The following SDK1 variants were observed in gnomAD, a reference collection of about 807,000 sequenced individuals.
SDK1 encodes protein sidekick-1.
A neutral mutation model predicts 245.5 loss-of-function variants in SDK1; 157 were observed. The ratio of observed to expected loss-of-function variants is 0.64; its 90% CI spans 0.56 to 0.73. The LOEUF is 0.73. Among genes scored for constraint, SDK1 ranks in the 30% least tolerant of loss-of-function variants. The pLI is 0.00. For synonymous variants in SDK1, 1,647 were observed against 1,278.5 expected, an observed-to-expected ratio of 1.29 and a Z score of -6.15; for missense variants, 3,583 against 3,002.3, an observed-to-expected ratio of 1.19 and a Z score of -4.52.
intron 4 of SDK1, among the ~76,000 whole-genome samples, chr7:3,760,842 A>G (rs1334437238): frequency 6.6e-6 from 1 of 152,228 alleles, no homozygotes; most frequent in African/African-American, 2.4e-5. Context: ...GAAAGCATTT[A>G]AGATCTATTT....
intron 4 of SDK1, among the ~76,000 whole-genome samples, chr7:3,753,237 C>G (rs968736972): frequency 3.9e-5 from 6 of 152,190 alleles, no homozygotes; most frequent in Non-Finnish European, 5.9e-5. Flanking sequence ...AAATTATAAA[C>G]CCTCTTCATT....
intron 35 of SDK1, among the ~76,000 whole-genome samples, chr7:4,189,188 G>C (rs686698): frequency 0.99 from 150,878 of 152,270 alleles, 74,751 homozygotes; most frequent in East Asian, 1. Context: ...CCTCTGGCAC[G>C]GTGCTGCTGG....
At chr7:3,508,468 C>T (rs113775021) in intron 1 of SDK1, among the ~76,000 whole-genome samples, 34,881 of 151,534 alleles carry the variant, frequency 0.23, 4,353 homozygotes, top group East Asian at 0.33. Context: ...GCTGGGATTA[C>T]AGCTGCCCGC....
intron 23 of SDK1, 89 bp from the exon 24 acceptor site, chr7:4,113,200 C>G: frequency 7.1e-7 from 1 of 1,412,854 alleles, no homozygotes. Flanking sequence ...TGAGCCCTCC[C>G]TTGAGAAACA....
At position 4,129,912 on chromosome 7, in the gene SDK1, T is replaced by C. The variant is rs753194535; in HGVS notation, c.3944T>C (p.Leu1315Pro). The change falls in exon 27 of 45, where the codon CTG becomes CCG. Residue 1315 changes from leucine to proline, a missense_variant. Transcript: ENST00000404826. Reference protein sequence around the residue: ...QNGLILGYKILFRAKDLDPEP... With the variant: ...QNGLILGYKIPFRAKDLDPEP... ...CGTGCTGTGTCGATACCACAGATCC[T>C]GTTCCGGGCCAAAGACCTGGATCCC... The C allele has an allele frequency of 6.2e-7, 1 of 1,613,594 alleles. No individual in the cohort carries two copies. The highest frequency in any genetic ancestry group is 8.5e-7 in the Non-Finnish European group (1 of 1,179,886).
intron 4 of SDK1, among the ~76,000 whole-genome samples, chr7:3,700,951 G>A (rs1162635449): frequency 1.3e-5 from 2 of 152,070 alleles, no homozygotes; most frequent in Non-Finnish European, 2.9e-5. Flanking sequence ...GATTGGTAGA[G>A]TAAAGAAAAA....
intron 5 of SDK1, among the ~76,000 whole-genome samples, chr7:3,927,828 G>C (rs1779828546): frequency 6.6e-6 from 1 of 152,194 alleles, no homozygotes; most frequent in African/African-American, 2.4e-5. Context: ...TTAGATAATG[G>C]AAATCGTGGT....
At chr7:3,402,213 A>G (rs550684184) in intron 1 of SDK1, among the ~76,000 whole-genome samples, 2 of 152,336 alleles carry the variant, frequency 1.3e-5, no homozygotes, top group Admixed American at 6.5e-5. Flanking sequence ...TGGAGGATAT[A>G]TATAAAATCT....
chr7:3,975,797 C>T (rs954730057), intron 13 of SDK1, among the ~76,000 whole-genome samples: 1 of 152,242 alleles, frequency 6.6e-6, no homozygotes. Context: ...CTTTAGATAG[C>T]AGAGGTAATT....
intron 13 of SDK1, among the ~76,000 whole-genome samples, chr7:3,975,910 AGGGT>A (rs1782902772): frequency 1.6e-4 from 24 of 148,078 alleles, no homozygotes; most frequent in African/African-American, 4.5e-4. Flanking sequence ...TGCCACGTAG[AGGGT>A]CCTCCAGAGA....
chr7:3,382,869 A>T (rs1781521395), intron 1 of SDK1, among the ~76,000 whole-genome samples: 1 of 151,978 alleles, frequency 6.6e-6, no homozygotes. Flanking sequence ...AATTCAGTAG[A>T]TTTCTGTTTT....
intron 1 of SDK1, among the ~76,000 whole-genome samples, chr7:3,442,032 A>G (rs909664800): frequency 6.6e-6 from 1 of 152,152 alleles, no homozygotes; most frequent in Admixed American, 6.6e-5. Context: ...ATGCCAGTTG[A>G]CCGTTACGTG....
chr7:3,371,865 A>T (rs963042038), intron 1 of SDK1, among the ~76,000 whole-genome samples: 1 of 152,192 alleles, frequency 6.6e-6, no homozygotes, highest in African/African-American at 2.4e-5. Flanking sequence ...AGTCGGCCAA[A>T]ATTAACGAAC....
At chr7:3,321,074 A>G (rs943185713) in intron 1 of SDK1, among the ~76,000 whole-genome samples, 1 of 152,232 alleles carries the variant, frequency 6.6e-6, no homozygotes, top group Non-Finnish European at 1.5e-5. Context: ...CAATCCTAAA[A>G]TTTTAAGATA....
chr7:3,941,408 T>G (rs891999771), intron 5 of SDK1, among the ~76,000 whole-genome samples: 11 of 152,076 alleles, frequency 7.2e-5, no homozygotes, highest in Admixed American at 4.6e-4. Context: ...TCCACACTCC[T>G]GAGTGTGGCG....
chr7:4,265,171 GAAC>G lies in SDK1; in HGVS notation c.6430_6432del (p.Asn2144del). On this transcript the variant is annotated inframe_deletion, in exon 45 of 45. Transcript: ENST00000404826. The stretch of plus-strand genomic sequence containing the variant: ...ACGCGCTGCCCAAGCACTCCTTCGT[GAAC>G]CACTACATGAGCGACCCCACCTACT... 1 of 1,612,534 alleles carries G rather than the reference GAAC, an allele frequency of 6.2e-7. No individual in the cohort carries two copies. The highest frequency in any genetic ancestry group is 1.7e-5 in the Admixed American group (1 of 59,984).
chr7:3,406,534 C>G (rs374584152), intron 1 of SDK1, among the ~76,000 whole-genome samples: 1 of 152,120 alleles, frequency 6.6e-6, no homozygotes, highest in Non-Finnish European at 1.5e-5. Flanking sequence ...TGGGCCAGTT[C>G]GTTAATCTAC....
intron 5 of SDK1, among the ~76,000 whole-genome samples, chr7:3,872,327 C>T (rs528704485): frequency 6.6e-6 from 1 of 151,984 alleles, no homozygotes; most frequent in East Asian, 1.9e-4. Flanking sequence ...GAGAAGTATT[C>T]CCTTCTCTTT....
Position 4,060,218 on chromosome 7 carries a change from A to C in SDK1, c.2912-7620A>C, listed in dbSNP as rs555192553. ...AAACAAATGAAAATTGAAATACGAC[A>C]TACAGAAACCTACAGGATACAGCAA... is the stretch of plus-strand genomic sequence containing the variant. On this transcript the variant is annotated intron_variant, in intron 19 of 44. Coordinates refer to ENST00000404826, the MANE Select transcript of SDK1 (RefSeq NM_152744.4). 2.0e-5 allele frequency among the ~76,000 whole-genome samples: 3 copies of C among 152,324 alleles called. No homozygotes were observed. In the East Asian group the frequency reaches 5.8e-4, roughly 29 times the overall value.
Sources: allele counts gnomAD v4.1 joint callset (sites outside exome capture counted in the v4.1 genomes callset), GRCh38; gene constraint gnomAD v4.1.1; transcripts MANE v1.5; gene names NCBI Gene and HGNC (gene_info 2026-07-23, HGNC 2026-07-21).